The following SPAG16 variants were observed in gnomAD, a reference collection of about 807,000 sequenced individuals.
The protein encoded by SPAG16 is sperm associated antigen 16.
In SPAG16, 86 loss-of-function variants were observed where a neutral mutation model predicts 80.4. That is an observed-to-expected ratio of 1.07 (90% CI 0.90 to 1.28). SPAG16 has a LOEUF of 1.28. Among genes scored for constraint, SPAG16 ranks in the 50% most tolerant of loss-of-function variants. The pLI is 0.00. For synonymous variants in SPAG16, 294 were observed against 265.9 expected (o/e 1.11, Z -1.03); for missense variants, 870 against 765.3 (o/e 1.14, Z -1.61).
At chr2:213,336,186 G>C (rs146042468) in intron 5 of SPAG16, among the ~76,000 whole-genome samples, 1 of 152,166 alleles carries the variant, frequency 6.6e-6, no homozygotes, top group Non-Finnish European at 1.5e-5. Flanking sequence ...TGCAACCTGC[G>C]GATCAGGAGT....
chr2:214,150,537 G>A (rs1467028402), intron 15 of SPAG16, among the ~76,000 whole-genome samples: 1 of 151,992 alleles, frequency 6.6e-6, no homozygotes, highest in African/African-American at 2.4e-5. Context: ...AATCTACATT[G>A]ACACCATAGC....
intron 12 of SPAG16, among the ~76,000 whole-genome samples, chr2:213,973,635 C>T (rs1171739603): frequency 2.0e-5 from 3 of 147,184 alleles, no homozygotes; most frequent in Admixed American, 6.7e-5. Context: ...TAAATTGCCC[C>T]CTTTTTTTTT....
intron 10 of SPAG16, among the ~76,000 whole-genome samples, chr2:213,617,713 TGA>T (rs2061646754): frequency 6.6e-6 from 1 of 152,078 alleles, no homozygotes; most frequent in Non-Finnish European, 1.5e-5. Flanking sequence ...CTGGGGAGGC[TGA>T]GTCAGGAGGA....
chr2:213,725,624 A>G (rs2066733171), intron 10 of SPAG16, among the ~76,000 whole-genome samples: 1 of 152,216 alleles, frequency 6.6e-6, no homozygotes, highest in Admixed American at 6.5e-5. Flanking sequence ...GGGAATTTAC[A>G]TAAAGAAGAG....
chr2:214,273,630 C>T (rs1044246936), intron 15 of SPAG16, among the ~76,000 whole-genome samples: 2 of 152,010 alleles, frequency 1.3e-5, no homozygotes, highest in East Asian at 1.9e-4. Flanking sequence ...ATTCCTGAGG[C>T]CTCTGTTCTG....
At chr2:213,869,571 T>C (rs1433381844) in intron 11 of SPAG16, among the ~76,000 whole-genome samples, 17 of 151,556 alleles carry the variant, frequency 1.1e-4, no homozygotes, top group Non-Finnish European at 1.6e-4. Context: ...TATATTATGC[T>C]TCTGTTCTTA....
intron 14 of SPAG16, among the ~76,000 whole-genome samples, chr2:214,143,234 G>GTTTTTTTTTTTTTTTTTTTTTTGTT (rs59910884): frequency 8.9e-6 from 1 of 112,670 alleles, no homozygotes; most frequent in African/African-American, 3.4e-5. Flanking sequence ...ATAGTTTTGG[G>GTTTTTTTTTTTTTTTTTTTTTTGTT]TTTTTTTTTT....
intron 11 of SPAG16, among the ~76,000 whole-genome samples, chr2:213,928,209 C>T (rs931730610): frequency 4.6e-5 from 7 of 151,512 alleles, no homozygotes; most frequent in Admixed American, 1.3e-4. Context: ...CTCAGCCTCC[C>T]GAGTAGCTGG....
intron 15 of SPAG16, among the ~76,000 whole-genome samples, chr2:214,301,485 A>G (rs1694550640): frequency 6.6e-6 from 1 of 152,100 alleles, no homozygotes; most frequent in Non-Finnish European, 1.5e-5. Flanking sequence ...AGGCAAGAGA[A>G]AGAAAGTAAA....
In SPAG16 at chr2:214,012,288, A is replaced by ATT. The variant is rs778689045; in HGVS notation, c.1401-1643_1401-1642dup. Among the ~76,000 whole-genome samples, 140 of 46,776 alleles carry ATT rather than the reference A, an allele frequency of 3.0e-3. 7 individuals are homozygous for ATT. The highest frequency in any genetic ancestry group is 4.0e-3 in the South Asian group (2 of 506). The allele number at this position is 46,776 out of a possible 152,430, so 30.7% of individuals were successfully genotyped here. On this transcript the variant is annotated intron_variant, in intron 12 of 15. Transcript: ENST00000331683. ...TATATATATATATATATATATATAT[A>ATT]TTTTTTTTTTTTTTTTTTTTTCCTC...
chr2:213,930,010 A>C lies in SPAG16; in HGVS notation c.1265A>C (p.Asp422Ala). 1 of 1,613,990 alleles carries C rather than the reference A, an allele frequency of 6.2e-7. No homozygotes were observed. Among genetic ancestry groups the C allele is most frequent in the Non-Finnish European group, 8.5e-7 (1 of 1,179,912 alleles). ...GGTGACACTACAGTTAAATTATGGG[A>C]TCTATGTAAAGGCGATTGCATTTTG... Reference protein sequence around the residue: ...SSGDTTVKLWDLCKGDCILTF... With the variant: ...SSGDTTVKLWALCKGDCILTF... The change falls in exon 12 of 16, where the codon GAT becomes GCT. Residue 422 changes from aspartate (D) to alanine (A), a missense_variant. Coordinates refer to ENST00000331683, the MANE Select transcript of SPAG16 (RefSeq NM_024532.5).
intron 14 of SPAG16, among the ~76,000 whole-genome samples, chr2:214,147,378 A>G (rs962933255): frequency 1.3e-5 from 2 of 152,196 alleles, no homozygotes; most frequent in Admixed American, 6.5e-5. Context: ...GGGATAAAGT[A>G]TACTTCAAGA....
intron 9 of SPAG16, chr2:213,396,598 C>G (rs1222698581): frequency 4.4e-6 from 2 of 454,944 alleles, no homozygotes; most frequent in Admixed American, 2.4e-5. Context: ...CAGCAGTGGA[C>G]AGGGAACTCT....
At chr2:214,138,237 A>G (rs1046604886) in intron 14 of SPAG16, among the ~76,000 whole-genome samples, 6 of 152,124 alleles carry the variant, frequency 3.9e-5, no homozygotes, top group African/African-American at 1.2e-4. Context: ...CAACAAGGGG[A>G]CCTGGCTAGG....
At chr2:214,277,265 C>A (rs1414044673) in intron 15 of SPAG16, among the ~76,000 whole-genome samples, 1 of 152,010 alleles carries the variant, frequency 6.6e-6, no homozygotes, top group African/African-American at 2.4e-5. Flanking sequence ...CTTGTTATTA[C>A]CGACCTTCTG....
intron 15 of SPAG16, among the ~76,000 whole-genome samples, chr2:214,322,351 C>G (rs1351783090): frequency 1.3e-5 from 2 of 151,902 alleles, no homozygotes; most frequent in Non-Finnish European, 2.9e-5. Context: ...CTCTGTATTC[C>G]CCATGTTTTA....
intron 13 of SPAG16, among the ~76,000 whole-genome samples, chr2:214,085,691 AAAGAG>A (rs2051694128): frequency 6.6e-6 from 1 of 152,186 alleles, no homozygotes; most frequent in Non-Finnish European, 1.5e-5. Context: ...TCCAGACTAC[AAAGAG>A]AACAATTCCA....
chr2:213,865,460 CAA>C (rs2075646560), intron 11 of SPAG16, among the ~76,000 whole-genome samples: 1 of 150,842 alleles, frequency 6.6e-6, no homozygotes, highest in Non-Finnish European at 1.5e-5. Context: ...GAGATGTATC[CAA>C]AGCCGTATTC....
chr2:213,547,289 G>C (rs2076643305), intron 10 of SPAG16, among the ~76,000 whole-genome samples: 1 of 152,016 alleles, frequency 6.6e-6, no homozygotes, highest in Non-Finnish European at 1.5e-5. Context: ...AGTAAAAATA[G>C]TCATGGTGTA....
Sources: allele counts gnomAD v4.1 joint callset (sites outside exome capture counted in the v4.1 genomes callset), GRCh38; gene constraint gnomAD v4.1.1; transcripts MANE v1.5; gene names NCBI Gene and HGNC (gene_info 2026-07-23, HGNC 2026-07-21).